ABTB3: variants seen among roughly 807,000 people sequenced by gnomAD.
ABTB3 encodes ankyrin repeat and BTB domain containing 3.
the ABTB3 span, among the ~76,000 whole-genome samples, chr12:107,349,734 C>A: frequency 2.6e-5 from 4 of 152,276 alleles, no homozygotes; most frequent in African/African-American, 9.6e-5. Context: ...CCAAGTATTG[C>A]ATGTTTATCT....
At chr12:107,434,009 C>T in the ABTB3 span, among the ~76,000 whole-genome samples, 1 of 152,126 alleles carries the variant, frequency 6.6e-6, no homozygotes, top group Non-Finnish European at 1.5e-5. Context: ...CATGAGGGCT[C>T]CATCCTCATG....
the ABTB3 span, among the ~76,000 whole-genome samples, chr12:107,364,653 C>T: frequency 3.9e-5 from 6 of 152,120 alleles, no homozygotes; most frequent in Admixed American, 6.6e-5. Flanking sequence ...ACTGTTTGCA[C>T]TTCATTGGCC....
chr12:107,433,297 A>T, the ABTB3 span, among the ~76,000 whole-genome samples: 1 of 79,426 alleles, frequency 1.3e-5, no homozygotes, highest in African/African-American at 6.2e-5. Context: ...ACTCCGTCTC[A>T]AAAAAAAAAA....
the ABTB3 span, among the ~76,000 whole-genome samples, chr12:107,453,241 G>A: frequency 6.6e-6 from 1 of 152,082 alleles, no homozygotes; most frequent in East Asian, 1.9e-4. Context: ...TGAGGAGCTG[G>A]GATTTTATCC....
chr12:107,557,921 G>T, the ABTB3 span, among the ~76,000 whole-genome samples: 2 of 152,200 alleles, frequency 1.3e-5, no homozygotes, highest in African/African-American at 2.4e-5. Context: ...TTGCCAGGGA[G>T]GGGGGACTCC....
At chr12:107,538,123 G>C in the ABTB3 span, among the ~76,000 whole-genome samples, 2 of 152,040 alleles carry the variant, frequency 1.3e-5, no homozygotes, top group Non-Finnish European at 2.9e-5. Flanking sequence ...GTGCTGACCT[G>C]TTCTGCCAAA....
At chr12:107,360,903 G>A in the ABTB3 span, among the ~76,000 whole-genome samples, 9,318 of 147,342 alleles carry the variant, frequency 0.063, 326 homozygotes, top group Middle Eastern at 0.087. Context: ...ATAGACATGC[G>A]CCACCATGCC....
chr12:107,320,083 T>C, the ABTB3 span: 458 of 1,451,474 alleles, frequency 3.2e-4, no homozygotes, highest in Admixed American at 8.0e-4. Context: ...GCGGTAAGTG[T>C]CTGCGCGGGT....
At chr12:107,395,925 C>A in the ABTB3 span, among the ~76,000 whole-genome samples, 4 of 152,344 alleles carry the variant, frequency 2.6e-5, no homozygotes, top group African/African-American at 9.6e-5. Context: ...GTGGTGAGCA[C>A]AGGAGGCTGG....
chr12:107,612,769 A>C, the ABTB3 span: 70 of 1,608,914 alleles, frequency 4.4e-5, no homozygotes, highest in Non-Finnish European at 5.0e-5. Context: ...CTGGTTTTTA[A>C]CTCACCACAG....
the ABTB3 span, among the ~76,000 whole-genome samples, chr12:107,482,910 CTTCTTCTTTCT>C: frequency 1.9e-4 from 25 of 134,316 alleles, no homozygotes; most frequent in Admixed American, 3.0e-4. Context: ...CTCTCTCTTT[CTTCTTCTTTCT>C]TTCTTTCTTT....
At chr12:107,488,742 A>G in the ABTB3 span, among the ~76,000 whole-genome samples, 2 of 151,836 alleles carry the variant, frequency 1.3e-5, no homozygotes, top group African/African-American at 4.8e-5. Flanking sequence ...CATTTGGTAC[A>G]TTCATATCAT....
At chr12:107,649,002 TCTGA>T in the ABTB3 span, among the ~76,000 whole-genome samples, 1 of 152,258 alleles carries the variant, frequency 6.6e-6, no homozygotes, top group Non-Finnish European at 1.5e-5. Context: ...TATCAAACTA[TCTGA>T]CTGATGAAAC....
the ABTB3 span, among the ~76,000 whole-genome samples, chr12:107,626,548 CT>C: frequency 6.6e-6 from 1 of 151,884 alleles, no homozygotes; most frequent in African/African-American, 2.4e-5. Flanking sequence ...TGGGGTTTCA[CT>C]TTGTTAGCCA....
chr12:107,629,384 T>C, the ABTB3 span, among the ~76,000 whole-genome samples: 138 of 152,222 alleles, frequency 9.1e-4, no homozygotes, highest in African/African-American at 3.0e-3. Flanking sequence ...GGTTGCACCA[T>C]TGCACTTCAG....
chr12:107,433,534 G>A, the ABTB3 span, among the ~76,000 whole-genome samples: 19 of 152,240 alleles, frequency 1.2e-4, no homozygotes, highest in South Asian at 3.9e-3. Flanking sequence ...CCCATGGGAA[G>A]GGAAGTGGAT....
At chr12:107,323,084 G>A in the ABTB3 span, among the ~76,000 whole-genome samples, 2 of 152,162 alleles carry the variant, frequency 1.3e-5, no homozygotes, top group African/African-American at 4.8e-5. Context: ...ATACAATGAT[G>A]TCCTGAAAGA....
the ABTB3 span, among the ~76,000 whole-genome samples, chr12:107,418,178 G>A: frequency 6.6e-6 from 1 of 152,212 alleles, no homozygotes; most frequent in Non-Finnish European, 1.5e-5. Context: ...AGCTGCCATT[G>A]TGGCCAGAAT....
At chr12:107,326,733 C>T in the ABTB3 span, among the ~76,000 whole-genome samples, 2 of 152,284 alleles carry the variant, frequency 1.3e-5, no homozygotes, top group East Asian at 1.9e-4. Context: ...TATTATCTGC[C>T]ACTCTGCATT....
Sources: gnomAD v4.1 joint callset for allele counts (sites outside exome capture counted in the v4.1 genomes callset) on GRCh38, gnomAD v4.1.1 for gene constraint, MANE v1.5 for transcripts, NCBI Gene and HGNC (gene_info 2026-07-23, HGNC 2026-07-21) for gene names.